The following WDPCP variants were observed in gnomAD, a reference collection of about 807,000 sequenced individuals.
The protein encoded by WDPCP is WD repeat containing planar cell polarity effector.
WDPCP carries 71 observed loss-of-function variants against 93.1 expected under a neutral mutation model. The ratio of observed to expected loss-of-function variants is 0.76; its 90% confidence interval spans 0.63 to 0.93. The LOEUF is 0.93. Ranked by LOEUF, WDPCP falls within the 40% of genes least tolerant of loss-of-function variation. The pLI, the probability that WDPCP is intolerant of heterozygous loss-of-function variation, is 0.00. For missense variants in WDPCP, 844 were observed against 887.4 expected (o/e 0.95, Z 0.62); for synonymous variants, 315 against 315.0 (o/e 1.00, Z 0.00).
intron 3 of WDPCP, among the ~76,000 whole-genome samples, chr2:63,649,213 G>A (rs1262112639): frequency 6.6e-6 from 1 of 152,102 alleles, no homozygotes; most frequent in African/African-American, 2.4e-5. Flanking sequence ...GGTGGATGGG[G>A]AAAGTAGATC....
chr2:63,666,996 C>T (rs575679526), intron 2 of WDPCP, among the ~76,000 whole-genome samples: 3 of 121,156 alleles, frequency 2.5e-5, no homozygotes, highest in African/African-American at 1.0e-4. Context: ...TGATGAGATA[C>T]TTTGCTAAAT....
At chr2:63,376,570 C>G (rs1385333576) in intron 12 of WDPCP, among the ~76,000 whole-genome samples, 2 of 151,888 alleles carry the variant, frequency 1.3e-5, no homozygotes, top group Non-Finnish European at 2.9e-5. Flanking sequence ...ACTTCTGTTT[C>G]ATTCACTTTC....
At chr2:63,386,613 T>A (rs1692750179) in intron 10 of WDPCP, among the ~76,000 whole-genome samples, 1 of 152,146 alleles carries the variant, frequency 6.6e-6, no homozygotes, top group Non-Finnish European at 1.5e-5. Flanking sequence ...ACAATCATTT[T>A]AGAAAACAGT....
At chr2:63,140,148 C>T (rs1002442498) in intron 17 of WDPCP, among the ~76,000 whole-genome samples, 9 of 152,112 alleles carry the variant, frequency 5.9e-5, no homozygotes, top group Non-Finnish European at 1.0e-4. Flanking sequence ...TTTCTGGGTT[C>T]TCTATTCAGT....
chr2:63,621,582 C>T (rs1009475577), intron 3 of WDPCP, among the ~76,000 whole-genome samples: 3 of 152,060 alleles, frequency 2.0e-5, no homozygotes, highest in African/African-American at 7.2e-5. Context: ...GAGGATGGAA[C>T]CAAGTTGGAA....
intron 14 of WDPCP, among the ~76,000 whole-genome samples, chr2:63,254,363 C>G (rs1314576969): frequency 6.6e-6 from 1 of 151,820 alleles, no homozygotes; most frequent in African/African-American, 2.4e-5. Flanking sequence ...ACATATGCCC[C>G]CTGAAGCTAA....
intron 3 of WDPCP, among the ~76,000 whole-genome samples, chr2:63,606,198 A>G (rs1332818237): frequency 6.6e-6 from 1 of 152,190 alleles, no homozygotes; most frequent in Admixed American, 6.5e-5. Context: ...CCGGGGCAAC[A>G]TAGTGAGACC....
chr2:63,223,550 G>T (rs1678015243), intron 14 of WDPCP, among the ~76,000 whole-genome samples: 1 of 152,070 alleles, frequency 6.6e-6, no homozygotes, highest in Non-Finnish European at 1.5e-5. Flanking sequence ...GGCAGTAAGT[G>T]GGCAAGGATT....
intron 13 of WDPCP, among the ~76,000 whole-genome samples, chr2:63,305,084 C>A (rs1685624816): frequency 6.6e-6 from 1 of 152,134 alleles, no homozygotes. Context: ...GAGAGAAAGG[C>A]AGCAGCCCCA....
At chr2:63,455,588 G>T (rs968031151) in intron 6 of WDPCP, among the ~76,000 whole-genome samples, 11 of 151,770 alleles carry the variant, frequency 7.2e-5, no homozygotes, top group Admixed American at 6.6e-4. Flanking sequence ...AAAAACAAAG[G>T]TCATCATACA....
Position 63,157,331 on chromosome 2 carries a change from G to A in WDPCP, c.2079-3757C>T, listed in dbSNP as rs116263007. 5.7e-3 allele frequency among the ~76,000 whole-genome samples: 861 copies of A among 150,656 alleles called. 6 individuals carry two copies. The highest frequency in any genetic ancestry group is 0.021 in the African/African-American group (843 of 41,070). ...AGTTTTTTGTACTTTTTTTTCTTTC[G>A]TTTTGTAAAAAATTCCATGGGACTG... On this transcript the variant is annotated intron_variant, in intron 15 of 17. Coordinates refer to ENST00000272321, the MANE Select transcript of WDPCP (RefSeq NM_015910.7).
At chr2:63,349,352 T>C (rs999157342) in intron 12 of WDPCP, among the ~76,000 whole-genome samples, 2 of 152,120 alleles carry the variant, frequency 1.3e-5, no homozygotes, top group South Asian at 2.1e-4. Flanking sequence ...TTCTAAGTCA[T>C]AAAGTACTAA....
intron 6 of WDPCP, among the ~76,000 whole-genome samples, chr2:63,463,418 A>G (rs1699149279): frequency 6.6e-6 from 1 of 152,158 alleles, no homozygotes; most frequent in Admixed American, 6.5e-5. Context: ...ATATGATATG[A>G]TGGTACCTGG....
At chr2:63,469,049 T>C (rs1301524106) in intron 6 of WDPCP, among the ~76,000 whole-genome samples, 14 of 151,460 alleles carry the variant, frequency 9.2e-5, no homozygotes, top group Non-Finnish European at 2.9e-5. Context: ...GAACTGACAC[T>C]TTTCAAAAAA....
intron 2 of WDPCP, among the ~76,000 whole-genome samples, chr2:63,764,526 G>T (rs574334236): frequency 2.2e-4 from 33 of 152,238 alleles, no homozygotes; most frequent in African/African-American, 7.2e-4. Flanking sequence ...AGACTTAAAT[G>T]ATTTTTGAAT....
chr2:63,753,907 G>C (rs1220841046), intron 2 of WDPCP, among the ~76,000 whole-genome samples: 2 of 152,160 alleles, frequency 1.3e-5, no homozygotes, highest in Admixed American at 1.3e-4. Flanking sequence ...AAATTCCCTG[G>C]AACCAGAATC....
At chr2:63,586,748 G>C (rs145557863) in intron 1 of WDPCP, among the ~76,000 whole-genome samples, 18 of 152,268 alleles carry the variant, frequency 1.2e-4, no homozygotes, top group Middle Eastern at 3.4e-3. Flanking sequence ...ATGGGAATAC[G>C]GGGGCTTACA....
intron 6 of WDPCP, among the ~76,000 whole-genome samples, chr2:63,449,384 C>T (rs73937814): frequency 0.013 from 1,946 of 152,168 alleles, 43 homozygotes; most frequent in African/African-American, 0.044. Context: ...CCCCCACTTT[C>T]CAGAAAGAAG....
chr2:63,497,967 TC>T (rs1367598416), intron 1 of WDPCP, among the ~76,000 whole-genome samples: 1 of 152,158 alleles, frequency 6.6e-6, no homozygotes, highest in Non-Finnish European at 1.5e-5. Flanking sequence ...GCTGCCCCAC[TC>T]AGTGCCCTTG....
Sources: gnomAD v4.1 joint callset for allele counts (sites outside exome capture counted in the v4.1 genomes callset) on GRCh38, gnomAD v4.1.1 for gene constraint, MANE v1.5 for transcripts, NCBI Gene and HGNC (gene_info 2026-07-23, HGNC 2026-07-21) for gene names.